The following CCSER1 variants were observed in gnomAD, a reference collection of about 807,000 sequenced individuals.
CCSER1 encodes the protein coiled-coil serine rich protein 1, also known as serine-rich coiled-coil domain-containing protein 1.
CCSER1 carries 41 observed loss-of-function variants against 82.0 expected under a neutral mutation model. The observed-to-expected ratio is 0.50, with a 90% CI of 0.39 to 0.65. CCSER1 has a LOEUF of 0.65. Ranked by LOEUF, CCSER1 falls within the 30% of genes least tolerant of loss-of-function variation. The pLI is 0.00. For synonymous variants in CCSER1, 414 were observed against 383.9 expected, an observed-to-expected ratio of 1.08 and a Z score of -0.92; for missense variants, 1,119 against 1,064.2, an observed-to-expected ratio of 1.05 and a Z score of -0.72.
intron 8 of CCSER1, among the ~76,000 whole-genome samples, chr4:90,895,795 A>G (rs1242635935): frequency 6.6e-6 from 1 of 151,896 alleles, no homozygotes; most frequent in Non-Finnish European, 1.5e-5. Flanking sequence ...TGTCCTGGAG[A>G]GTAGTATATC....
Position 90,308,304 on chromosome 4 carries a change from G to C in CCSER1, c.20G>C (p.Arg7Thr), listed in dbSNP as rs199614921. The C allele has an allele frequency of 1.9e-6, 3 of 1,587,700 alleles. No homozygotes were observed. Among genetic ancestry groups the C allele is most frequent in the Admixed American group, 1.8e-5 (1 of 55,652 alleles). ...TTCCCAATGGGGGACTCAGGATCAA[G>C]ACGATCTACCCTGGTCTCCCGGTTG... is the stretch of plus-strand genomic sequence containing the variant. Reference protein sequence around the residue: MGDSGSRRSTLVSRLPI... With the variant: MGDSGSTRSTLVSRLPI... Residue 7 changes from arginine (R) to threonine (T), a missense_variant, in exon 2 of 11, where the codon AGA becomes ACA. By Grantham distance (71) the Arg-to-Thr change is moderately conservative. Coordinates refer to ENST00000509176, the MANE Select transcript of CCSER1 (RefSeq NM_001145065.2).
intron 9 of CCSER1, among the ~76,000 whole-genome samples, chr4:91,031,978 T>C (rs1479326766): frequency 2.0e-5 from 3 of 152,110 alleles, no homozygotes; most frequent in Non-Finnish European, 4.4e-5. Flanking sequence ...TAACAGTGAT[T>C]ACTTCTGAGT....
At chr4:90,187,950 A>T (rs1267160344) in intron 1 of CCSER1, among the ~76,000 whole-genome samples, 2 of 151,972 alleles carry the variant, frequency 1.3e-5, no homozygotes, top group Non-Finnish European at 2.9e-5. Flanking sequence ...ATTGGCTAAA[A>T]TTCAGCTCTT....
chr4:90,776,323 G>T (rs971038867), intron 7 of CCSER1, among the ~76,000 whole-genome samples: 1 of 152,100 alleles, frequency 6.6e-6, no homozygotes, highest in African/African-American at 2.4e-5. Context: ...TTGCTGAACA[G>T]AATAATTTTG....
chr4:90,541,071 A>G (rs192155841), intron 5 of CCSER1, among the ~76,000 whole-genome samples: 11 of 152,196 alleles, frequency 7.2e-5, no homozygotes, highest in Admixed American at 6.6e-4. Flanking sequence ...TACTGTAACC[A>G]TTAGACAGTT....
chr4:90,966,883 G>T (rs1314820194), intron 9 of CCSER1, among the ~76,000 whole-genome samples: 1 of 151,956 alleles, frequency 6.6e-6, no homozygotes, highest in African/African-American at 2.4e-5. Flanking sequence ...CTTCTCTGAA[G>T]AAATTGACAA....
chr4:90,759,210 T>C (rs1418727605), intron 7 of CCSER1, among the ~76,000 whole-genome samples: 2 of 152,210 alleles, frequency 1.3e-5, no homozygotes, highest in African/African-American at 4.8e-5. Flanking sequence ...AGCTCAATTA[T>C]GACACAGCAT....
chr4:91,576,149 C>G (rs947703667), intron 10 of CCSER1, among the ~76,000 whole-genome samples: 4 of 151,878 alleles, frequency 2.6e-5, no homozygotes. Context: ...ATCTATCTAT[C>G]TATCAATCAT....
At chr4:91,368,624 C>T (rs1394394613) in intron 10 of CCSER1, among the ~76,000 whole-genome samples, 1 of 152,010 alleles carries the variant, frequency 6.6e-6, no homozygotes, top group African/African-American at 2.4e-5. Flanking sequence ...TATTTTAGCT[C>T]CTCTGTTGTC....
intron 10 of CCSER1, among the ~76,000 whole-genome samples, chr4:91,389,144 G>A (rs1751494985): frequency 6.6e-6 from 1 of 151,894 alleles, no homozygotes; most frequent in Non-Finnish European, 1.5e-5. Flanking sequence ...TTATACCTAA[G>A]GTTATCTAGG....
chr4:91,205,479 C>T (rs73836877), intron 10 of CCSER1, among the ~76,000 whole-genome samples: 3,952 of 151,830 alleles, frequency 0.026, 174 homozygotes, highest in African/African-American at 0.091. Context: ...ATGTTTAAAA[C>T]AGCTAGTGAC....
At chr4:90,439,323 C>CA (rs199572296) in intron 4 of CCSER1, among the ~76,000 whole-genome samples, 17 of 151,642 alleles carry the variant, frequency 1.1e-4, no homozygotes, top group African/African-American at 2.2e-4. Context: ...AACAAACAAA[C>CA]AAAAAAAACC....
intron 6 of CCSER1, among the ~76,000 whole-genome samples, chr4:90,683,911 C>CT (rs1032853649): frequency 2.0e-5 from 3 of 151,804 alleles, no homozygotes; most frequent in Non-Finnish European, 4.4e-5. Context: ...AAATAATTAT[C>CT]TTTTTTTTCA....
intron 10 of CCSER1, among the ~76,000 whole-genome samples, chr4:91,178,722 C>A (rs1468878263): frequency 6.6e-6 from 1 of 152,048 alleles, no homozygotes; most frequent in African/African-American, 2.4e-5. Context: ...GATGGGTCTC[C>A]TGTATACAGC....
chr4:91,339,707 C>T (rs1747572711), intron 10 of CCSER1, among the ~76,000 whole-genome samples: 1 of 152,124 alleles, frequency 6.6e-6, no homozygotes, highest in African/African-American at 2.4e-5. Context: ...AGATACAGCT[C>T]TCCCCCTCTT....
intron 9 of CCSER1, among the ~76,000 whole-genome samples, chr4:90,934,188 TAAG>T (rs1730636146): frequency 1.3e-5 from 2 of 152,146 alleles, no homozygotes; most frequent in South Asian, 4.1e-4. Flanking sequence ...AGTTACAGTA[TAAG>T]GACAAAGACA....
At chr4:91,477,192 A>C (rs908111559) in intron 10 of CCSER1, among the ~76,000 whole-genome samples, 1 of 151,846 alleles carries the variant, frequency 6.6e-6, no homozygotes, top group African/African-American at 2.4e-5. Context: ...AATACCCAGA[A>C]TAGATAAGGA....
rs1333126699 is a variant in CCSER1, at chr4:90,649,743, T to C, written c.1932+21511T>C. ...GAAACTAATATTTTAACTAAAGCAC[T>C]CTGAGCTTTAGAAATCATATTTATA... On this transcript the variant is annotated intron_variant, in intron 6 of 10. Coordinates refer to ENST00000509176, the MANE Select transcript of CCSER1 (RefSeq NM_001145065.2). The C allele has an allele frequency of 4.6e-5, 7 of 152,194 alleles. 1 individual carries two copies. 9.4% of individuals were successfully genotyped at this position (152,194 alleles called of 1,614,324 possible).
intron 10 of CCSER1, among the ~76,000 whole-genome samples, chr4:91,568,062 A>C (rs34993958): frequency 6.6e-6 from 1 of 151,824 alleles, no homozygotes; most frequent in Non-Finnish European, 1.5e-5. Context: ...TTCCTTCAAG[A>C]TTTGCTTATC....
Sources: gnomAD v4.1 joint callset for allele counts (sites outside exome capture counted in the v4.1 genomes callset) on GRCh38, gnomAD v4.1.1 for gene constraint, MANE v1.5 for transcripts, NCBI Gene and HGNC (gene_info 2026-07-23, HGNC 2026-07-21) for gene names.